Variants in CLSTN2 observed in about 807,000 individuals in gnomAD.
CLSTN2 encodes calsyntenin 2.
A neutral mutation model predicts 101.2 loss-of-function variants in CLSTN2; 48 were observed. The ratio of observed to expected loss-of-function variants is 0.47; its 90% CI spans 0.38 to 0.60. The LOEUF (loss-of-function observed/expected upper bound fraction) is 0.60. CLSTN2 is among the 20% of genes least tolerant of loss of function. CLSTN2 has a pLI of 0.00. For synonymous variants in CLSTN2, 481 were observed against 463.6 expected (o/e 1.04, Z -0.48); for missense variants, 1,160 against 1,238.2 (o/e 0.94, Z 0.95).
intron 2 of CLSTN2, among the ~76,000 whole-genome samples, chr3:140,301,904 T>G (rs1576506052): frequency 6.7e-6 from 1 of 148,346 alleles, no homozygotes; most frequent in East Asian, 2.0e-4. Context: ...ATTATAGTAT[T>G]TTTTTTTTTT....
At chr3:140,069,459 C>T (rs1302160737) in intron 1 of CLSTN2, among the ~76,000 whole-genome samples, 2 of 152,206 alleles carry the variant, frequency 1.3e-5, no homozygotes, top group Non-Finnish European at 2.9e-5. Flanking sequence ...GCACAATTTT[C>T]CATGGGCTTC....
chr3:140,168,449 A>G (rs890812377), intron 1 of CLSTN2, among the ~76,000 whole-genome samples: 1 of 152,050 alleles, frequency 6.6e-6, no homozygotes. Flanking sequence ...ATTTCCTCCT[A>G]GTCTGTGGCT....
rs1362399016 is a variant in CLSTN2, at chr3:140,241,145, A to T, written c.232+65072A>T. On this transcript the variant is annotated intron_variant, in intron 2 of 16. Transcript: ENST00000458420. ...AAAATTTCAAAGAAAACAAGAAAAG[A>T]ATACTAAGAGTGCCATCTCATGGTA... 2.0e-5 allele frequency among the ~76,000 whole-genome samples: 3 copies of T among 152,228 alleles called. No individual in the cohort carries two copies. In the East Asian group the frequency reaches 5.8e-4, roughly 29 times the overall value.
At position 140,466,695 on chromosome 3, in the gene CLSTN2, C is replaced by T. The variant is rs778581462; in HGVS notation, c.1308C>T (p.Thr436=). Residue 436 remains threonine, a synonymous_variant, in exon 8 of 17, where the codon ACC becomes ACT. Coordinates refer to ENST00000458420, the MANE Select transcript of CLSTN2 (RefSeq NM_022131.3). ...GGAAGGACTTCGACCAGGCTGACAC[C>T]TTTCGCCCCGCGGAGTTCCACTGGA... The part of the protein sequence containing the change: ...LLRKDFDQAD[T]FRPAEFHWKL... 6.2e-7 allele frequency: 1 copy of T among 1,614,150 alleles called. No individual in the cohort carries two copies. Among genetic ancestry groups the T allele is most frequent in the Non-Finnish European group, 8.5e-7 (1 of 1,180,008 alleles).
intron 2 of CLSTN2, among the ~76,000 whole-genome samples, chr3:140,312,526 A>G (rs943787681): frequency 2.6e-5 from 4 of 152,212 alleles, no homozygotes; most frequent in East Asian, 1.9e-4. Flanking sequence ...AGCTGTGAGC[A>G]TGTGTGAAGT....
chr3:140,340,266 G>A (rs575137694), intron 2 of CLSTN2, among the ~76,000 whole-genome samples: 15 of 152,264 alleles, frequency 9.9e-5, no homozygotes, highest in African/African-American at 3.6e-4. Context: ...AATGTACTTC[G>A]TACATATACA....
intron 2 of CLSTN2, among the ~76,000 whole-genome samples, chr3:140,271,258 G>T (rs367636154): frequency 3.2e-4 from 48 of 152,082 alleles, no homozygotes; most frequent in Non-Finnish European, 6.3e-4. Flanking sequence ...ATGCCAGCTC[G>T]TGTTCAAGCA....
intron 9 of CLSTN2, among the ~76,000 whole-genome samples, chr3:140,541,500 C>T (rs1935476756): frequency 6.6e-6 from 1 of 152,194 alleles, no homozygotes. Flanking sequence ...TTGTGCTCAC[C>T]AGTTCTGATT....
chr3:140,386,647 G>A (rs78456834), intron 2 of CLSTN2, among the ~76,000 whole-genome samples: 2,248 of 152,164 alleles, frequency 0.015, 57 homozygotes, highest in African/African-American at 0.05. Flanking sequence ...GCCATGCTGT[G>A]CTGTGCTGTG....
In CLSTN2 at chr3:140,572,841, G is replaced by A. The variant is rs1985598370; in HGVS notation, c.*6588G>A. The A allele has an allele frequency of 6.6e-6, 1 of 152,420 alleles. No individual in the cohort carries two copies. The highest frequency in any genetic ancestry group is 2.4e-5 in the African/African-American group (1 of 41,456). 9.4% of individuals were successfully genotyped at this position (152,420 alleles called of 1,614,324 possible). A position where few individuals can be genotyped will look rare whatever the true frequency, so the allele number is the denominator to read the frequency against. Reference sequence around the variant, plus strand: ...ACTAACAAGGTAAAATCAATGACTAGTGCAGTGAGGGTGCCAAAGCAAACC... The same window carrying A: ...ACTAACAAGGTAAAATCAATGACTAATGCAGTGAGGGTGCCAAAGCAAACC... On this transcript the variant is annotated 3_prime_UTR_variant, in exon 17 of 17. Transcript: ENST00000458420.
chr3:140,048,796 G>A (rs1282277519), intron 1 of CLSTN2, among the ~76,000 whole-genome samples: 1 of 152,124 alleles, frequency 6.6e-6, no homozygotes, highest in African/African-American at 2.4e-5. Context: ...TGAGGCCACA[G>A]CCCTCCAGCT....
intron 1 of CLSTN2, among the ~76,000 whole-genome samples, chr3:140,053,521 G>T (rs2008041816): frequency 2.6e-5 from 4 of 152,182 alleles, no homozygotes; most frequent in Non-Finnish European, 5.9e-5. Context: ...CAGCGTGGTG[G>T]TGAGTGTTAA....
At chr3:140,193,516 TTTTGTTTG>T (rs370066949) in intron 2 of CLSTN2, among the ~76,000 whole-genome samples, 9 of 151,868 alleles carry the variant, frequency 5.9e-5, no homozygotes, top group East Asian at 1.9e-4. Flanking sequence ...GCCATTCTGT[TTTTGTTTG>T]TTTGTTTGTT....
At chr3:140,192,657 T>G (rs564236227) in intron 2 of CLSTN2, among the ~76,000 whole-genome samples, 1 of 119,816 alleles carries the variant, frequency 8.3e-6, no homozygotes, top group African/African-American at 2.5e-5. Flanking sequence ...TATATTCTTT[T>G]TTTTCCATTT....
intron 2 of CLSTN2, among the ~76,000 whole-genome samples, chr3:140,391,940 A>C (rs2088118828): frequency 6.6e-6 from 1 of 152,156 alleles, no homozygotes; most frequent in Admixed American, 6.6e-5. Flanking sequence ...TGGGAACTGA[A>C]GCTAAATGTG....
intron 1 of CLSTN2, among the ~76,000 whole-genome samples, chr3:140,109,135 G>T (rs1420870750): frequency 1.3e-5 from 2 of 152,078 alleles, no homozygotes; most frequent in Non-Finnish European, 1.5e-5. Flanking sequence ...GTCTTTATGG[G>T]GTCTCAGCAT....
At chr3:140,231,251 C>T (rs2086369410) in intron 2 of CLSTN2, among the ~76,000 whole-genome samples, 1 of 152,210 alleles carries the variant, frequency 6.6e-6, no homozygotes, top group African/African-American at 2.4e-5. Context: ...CAGACACACC[C>T]TCCCGTCTCC....
intron 8 of CLSTN2, among the ~76,000 whole-genome samples, chr3:140,531,771 C>A (rs1310407187): frequency 1.3e-5 from 2 of 152,130 alleles, no homozygotes; most frequent in African/African-American, 4.8e-5. Flanking sequence ...TGACTCTCTT[C>A]TAGCCCCCCT....
chr3:140,225,372 G>A (rs1459292754), intron 2 of CLSTN2, among the ~76,000 whole-genome samples: 2 of 152,146 alleles, frequency 1.3e-5, no homozygotes, highest in African/African-American at 2.4e-5. Flanking sequence ...TGAGCTACAC[G>A]AATTGTTTCT....
Sources: allele counts gnomAD v4.1 joint callset (sites outside exome capture counted in the v4.1 genomes callset), GRCh38; gene constraint gnomAD v4.1.1; transcripts MANE v1.5; gene names NCBI Gene and HGNC (gene_info 2026-07-23, HGNC 2026-07-21).